SIAH2: variants seen among roughly 807,000 people sequenced by gnomAD.
The protein encoded by SIAH2 is E3 ubiquitin-protein ligase SIAH2.
In SIAH2, 4 loss-of-function variants were observed where a neutral mutation model predicts 20.4. That is an observed-to-expected ratio of 0.20 (90% CI 0.10 to 0.45). The LOEUF is 0.45. SIAH2 is among the 20% of genes least tolerant of loss of function. SIAH2 has a pLI of 0.99. For missense variants in SIAH2, 259 were observed against 440.3 expected, an observed-to-expected ratio of 0.59 and a Z score of 3.69; for synonymous variants, 171 against 192.5, an observed-to-expected ratio of 0.89 and a Z score of 0.93.
rs1449515457 is a variant in SIAH2, at chr3:150,753,859, T to G, written c.417+8574A>C. Among the ~76,000 whole-genome samples the G allele has an allele frequency of 9.2e-5, 14 of 152,106 alleles. 1 individual carries two copies. Among genetic ancestry groups the G allele is most frequent in the Admixed American group, 9.2e-4 (14 of 15,268 alleles). Reference sequence around the variant, plus strand: ...TACCCTTGGGCTCTACCATCCAACTTCAAGGAATTTAACTTTAGGAAATAA... The same window carrying G: ...TACCCTTGGGCTCTACCATCCAACTGCAAGGAATTTAACTTTAGGAAATAA... On this transcript the variant is annotated intron_variant, in intron 1 of 1. Transcript: ENST00000312960.
At position 150,742,218 on chromosome 3, in the gene SIAH2, C is replaced by T. The variant is rs1714102417; in HGVS notation, c.898G>A (p.Asp300Asn). The T allele has an allele frequency of 6.2e-6, 10 of 1,614,134 alleles. No homozygotes were observed. Among genetic ancestry groups the T allele is most frequent in the Non-Finnish European group, 8.5e-6 (10 of 1,180,032 alleles). Residue 300 changes from aspartate (D) to asparagine (N), a missense_variant, in exon 2 of 2, where the codon GAC becomes AAC. Physicochemically the swap from Asp to Asn is conservative, Grantham distance 23. Around this residue, in one of 2 missense-constraint regions of SIAH2, gnomAD observed 160 missense variants for 327.6 expected, o/e 0.49. Transcript: ENST00000312960. The surrounding 1 kb of genome is among the most constrained non-coding windows in gnomAD (Gnocchi z 4.8). ...GCAAAAAGATGTGCTATGGCTGTGTCGAAAACAAGGCAGTCGCTGTTCATG... is the reference window on the plus strand; with the variant it reads ...GCAAAAAGATGTGCTATGGCTGTGTTGAAAACAAGGCAGTCGCTGTTCATG... ...AIMNSDCLVF[D>N]TAIAHLFADN...
At chr3:150,747,406 G>A (rs537923068) in intron 1 of SIAH2, among the ~76,000 whole-genome samples, 36 of 152,330 alleles carry the variant, frequency 2.4e-4, no homozygotes, top group African/African-American at 6.7e-4. Context: ...GGACTTGTGC[G>A]TTTAAGCTGG....
At chr3:150,757,626 G>A (rs1576583626) in intron 1 of SIAH2, among the ~76,000 whole-genome samples, 1 of 152,026 alleles carries the variant, frequency 6.6e-6, no homozygotes, top group Admixed American at 6.6e-5. Context: ...TTGTCTGCAA[G>A]TGGTGGTTAT....
chr3:150,742,679 G>C lies in SIAH2; in HGVS notation c.437C>G (p.Ser146Cys), dbSNP rs751467793. Reference sequence around the variant, plus strand: ...TTTCTCCGTATGGTGCAGGGTCAGGGAACAGCCCGTGGTGGCATACTGCAA... The same window carrying C: ...TTTCTCCGTATGGTGCAGGGTCAGGCAACAGCCCGTGGTGGCATACTGCAA... ...FPCKYATTGC[S>C]LTLHHTEKPE... The change falls in exon 2 of 2, where the codon TCC becomes TGC. Residue 146 changes from serine (S) to cysteine (C), a missense_variant. Physicochemically the swap from Ser to Cys is moderately radical, Grantham distance 112. Transcript: ENST00000312960. The surrounding 1 kb of genome is among the most constrained non-coding windows in gnomAD (Gnocchi z 4.8). 1 of 1,539,746 alleles carries C rather than the reference G, an allele frequency of 6.5e-7. No homozygotes were observed. The highest frequency in any genetic ancestry group is 8.8e-7 in the Non-Finnish European group (1 of 1,142,780).
chr3:150,759,102 G>A (rs1358716419), intron 1 of SIAH2, among the ~76,000 whole-genome samples: 5 of 151,304 alleles, frequency 3.3e-5, no homozygotes, highest in East Asian at 1.9e-4. Flanking sequence ...GGCTGGTCTC[G>A]AACTCCTGAC....
rs756788902 is a variant in SIAH2 at position 150,742,399 on chromosome 3, G to A, written c.717C>T (p.Tyr239=). 22 of 1,614,164 alleles carry A rather than the reference G, an allele frequency of 1.4e-5. No homozygotes were observed. Among genetic ancestry groups the A allele is most frequent in the East Asian group, 2.2e-5 (1 of 44,880 alleles). ...TGGCAAAAAACTGCTGGTGGCCTTC[G>A]TACTTCTCTTGTTTCTCCAGCACCA... is the stretch of plus-strand genomic sequence containing the variant. ...FMLVLEKQEK[Y]EGHQQFFAIV... is the part of the protein sequence containing the mutation. The change falls in exon 2 of 2, where the codon TAC becomes TAT. Residue 239 remains tyrosine (Y), a synonymous_variant. Coordinates refer to ENST00000312960, the MANE Select transcript of SIAH2 (RefSeq NM_005067.7). The surrounding 1 kb of genome is among the most constrained non-coding windows in gnomAD (Gnocchi z 4.8).
In SIAH2 at chr3:150,749,659, T is replaced by C. The variant is rs557001421; in HGVS notation, c.418-6961A>G. Among the ~76,000 whole-genome samples the C allele has an allele frequency of 9.2e-5, 14 of 152,362 alleles. 1 individual carries two copies. Among genetic ancestry groups the C allele is most frequent in the African/African-American group, 2.9e-4 (12 of 41,582 alleles). On this transcript the variant is annotated intron_variant, in intron 1 of 1. Transcript: ENST00000312960. ...TTTTAAAAGAATATATACCTTTAACTACATAACTACATGTAAATGCAACTG... is the reference window on the plus strand; with the variant it reads ...TTTTAAAAGAATATATACCTTTAACCACATAACTACATGTAAATGCAACTG...
rs554266383 is a variant in SIAH2, at chr3:150,744,865, CATTTT to C, written c.418-2172_418-2168del. On this transcript the variant is annotated intron_variant, in intron 1 of 1. Transcript: ENST00000312960. Reference sequence around the variant, plus strand: ...CAGCAAATATTTATCACTTGGCAATCATTTTATAACTTTCCCCACTCAAGTAGGAG... The same window carrying C: ...CAGCAAATATTTATCACTTGGCAATCATAACTTTCCCCACTCAAGTAGGAG... Among the ~76,000 whole-genome samples, 23 of 152,266 alleles carry C rather than the reference CATTTT, an allele frequency of 1.5e-4. No homozygotes were observed. The South Asian group carries it at 4.3e-3, about 29-fold the overall frequency.
intron 1 of SIAH2, among the ~76,000 whole-genome samples, chr3:150,760,709 G>A (rs1299148773): frequency 6.6e-6 from 1 of 152,208 alleles, no homozygotes; most frequent in East Asian, 1.9e-4. Context: ...GTTAGCCGCT[G>A]CGCGTTTAAG....
intron 1 of SIAH2, among the ~76,000 whole-genome samples, chr3:150,747,987 AT>A (rs1714264450): frequency 6.7e-6 from 1 of 150,052 alleles, no homozygotes. Flanking sequence ...AAAAAAAAAA[AT>A]TGGGAGGTAG....
At chr3:150,744,825 C>G in intron 1 of SIAH2, among the ~76,000 whole-genome samples, 1 of 152,242 alleles carries the variant, frequency 6.6e-6, no homozygotes, top group South Asian at 2.1e-4. Flanking sequence ...TCATTCATGA[C>G]GAACTCAACA....
chr3:150,748,033 T>C (rs1714266030), intron 1 of SIAH2, among the ~76,000 whole-genome samples: 1 of 151,928 alleles, frequency 6.6e-6, no homozygotes, highest in African/African-American at 2.4e-5. Flanking sequence ...CAAAGAGATG[T>C]TGAAATCCCA....
At chr3:150,747,910 G>C (rs1196750147) in intron 1 of SIAH2, among the ~76,000 whole-genome samples, 13 of 143,874 alleles carry the variant, frequency 9.0e-5, no homozygotes, top group African/African-American at 3.2e-4. Flanking sequence ...GTTGCAGTGA[G>C]CCATGATTGT....
At chr3:150,760,595 AAC>A (rs755302286) in intron 1 of SIAH2, among the ~76,000 whole-genome samples, 4 of 152,274 alleles carry the variant, frequency 2.6e-5, no homozygotes, top group Non-Finnish European at 4.4e-5. Flanking sequence ...TCTTGGGAAC[AAC>A]ACAATTCTAT....
chr3:150,754,121 G>C (rs1406939168), intron 1 of SIAH2, among the ~76,000 whole-genome samples: 2 of 152,230 alleles, frequency 1.3e-5, no homozygotes, highest in Non-Finnish European at 2.9e-5. Context: ...TTATGAAACA[G>C]TGTAGACAAT....
At chr3:150,756,548 T>C (rs976772961) in intron 1 of SIAH2, among the ~76,000 whole-genome samples, 39 of 152,214 alleles carry the variant, frequency 2.6e-4, no homozygotes, top group African/African-American at 8.9e-4. Context: ...CTTGGGCTGG[T>C]ATTTTATAGG....
chr3:150,747,496 G>A (rs931040447), intron 1 of SIAH2, among the ~76,000 whole-genome samples: 7 of 152,226 alleles, frequency 4.6e-5, no homozygotes, highest in African/African-American at 1.7e-4. Context: ...GGTTCGCAGA[G>A]GGCTGCCTGT....
chr3:150,762,842 C>A lies in SIAH2; in HGVS notation c.8G>T (p.Arg3Leu), dbSNP rs1576585277. 8.3e-7 allele frequency: 1 copy of A among 1,209,536 alleles called. No individual in the cohort carries two copies. The highest frequency in any genetic ancestry group is 1.0e-6 in the Non-Finnish European group (1 of 959,782). The allele number at this position is 1,209,536 out of a possible 1,614,324, so 74.9% of individuals were successfully genotyped here. A position where few individuals can be genotyped will look rare whatever the true frequency, so the allele number is the denominator to read the frequency against. The change falls in exon 1 of 2, where the codon CGC (arginine) becomes CTC (leucine). Residue 3 changes from arginine (R) to leucine (L), a missense_variant. Physicochemically the swap from Arg to Leu is moderately radical, Grantham distance 102. Coordinates refer to ENST00000312960, the MANE Select transcript of SIAH2 (RefSeq NM_005067.7). This position sits in a 1 kb window ranked among gnomAD's most constrained non-coding sequence, Gnocchi z 6.6. MS[R>L]PSSTGPSANK... ...AGCGCTGGGGCCGGTGGAGGACGGG[C>A]GGCTCATCGCGCTCCGAACCAACCA... is the stretch of plus-strand genomic sequence containing the variant.
intron 1 of SIAH2, among the ~76,000 whole-genome samples, chr3:150,753,497 A>C (rs967915674): frequency 3.9e-5 from 6 of 152,198 alleles, no homozygotes; most frequent in African/African-American, 1.4e-4. Flanking sequence ...TCTACTATCA[A>C]AAAGCTTCAA....
Sources: allele counts gnomAD v4.1 joint callset (sites outside exome capture counted in the v4.1 genomes callset), GRCh38; gene constraint gnomAD v4.1.1; regional missense constraint gnomAD v4.1.1; non-coding constraint Gnocchi (gnomAD v3.1); transcripts MANE v1.5; gene names NCBI Gene and HGNC (gene_info 2026-07-23, HGNC 2026-07-21).